The following ZNF559 variants were observed in gnomAD, a reference collection of about 807,000 sequenced individuals.
The protein encoded by ZNF559 is putative protein product of Nbla00121.
ZNF559 carries 17 observed loss-of-function variants against 14.2 expected under a neutral mutation model. The ratio of observed to expected loss-of-function variants is 1.20; its 90% CI spans 0.82 to 1.80. ZNF559 has a LOEUF of 1.80. ZNF559 is among the 40% of genes most tolerant of loss of function. The pLI is 0.00. For synonymous variants in ZNF559, 244 were observed against 212.4 expected (o/e 1.15, Z -1.29); for missense variants, 740 against 629.7 (o/e 1.18, Z -1.88).
chr19:9,337,817 C>T lies in ZNF559; in HGVS notation c.-98C>T. On this transcript the variant is annotated 5_prime_UTR_variant, in exon 3 of 7. Transcript: ENST00000603380. ...GCAGAGAGATGGCTAATGAATGGCG[C>T]TTGATGACAGATGAGTAATGCCTGT... is the stretch of plus-strand genomic sequence containing the variant. The T allele has an allele frequency of 2.1e-6, 3 of 1,462,080 alleles. No homozygotes were observed. Among genetic ancestry groups the T allele is most frequent in the East Asian group, 5.0e-5 (2 of 39,922 alleles). 90.6% of individuals were successfully genotyped at this position (1,462,080 alleles called of 1,614,324 possible).
intron 5 of ZNF559, 146 bp from the exon 6 acceptor site, chr19:9,340,956 A>G: frequency 1.5e-6 from 1 of 675,562 alleles, no homozygotes; most frequent in Non-Finnish European, 2.5e-6. Context: ...CAAATTTCTC[A>G]ATTTATGTTT....
At chr19:9,340,877 AC>A (rs1351259943) in intron 5 of ZNF559, among the ~76,000 whole-genome samples, 2 of 151,754 alleles carry the variant, frequency 1.3e-5, no homozygotes, top group Non-Finnish European at 2.9e-5. Flanking sequence ...AGCCTAGAGA[AC>A]CGTTTCTTAG....
rs757559370 is a variant in ZNF559, at chr19:9,342,621, T to A, written c.1170T>A (p.Phe390Leu). Residue 390 changes from phenylalanine (F) to leucine (L), a missense_variant, in exon 7 of 7, where the codon TTT becomes TTA. Phe to Leu is a conservative substitution (Grantham distance 22). Transcript: ENST00000603380. ...AATGTAAGGAATGTGGAAAAGCCTT[T>A]ATTAATTCCTCTTCCTTTAAAAGTC... ...PYQCKECGKA[F>L]INSSSFKSHM... 1 of 1,614,126 alleles carries A rather than the reference T, an allele frequency of 6.2e-7. No individual in the cohort carries two copies.
chr19:9,342,077 G>A lies in ZNF559; in HGVS notation c.626G>A (p.Gly209Glu). The A allele has an allele frequency of 6.2e-7, 1 of 1,612,074 alleles. No homozygotes were observed. Among genetic ancestry groups the A allele is most frequent in the East Asian group, 2.2e-5 (1 of 44,858 alleles). The change falls in exon 7 of 7, where the codon GGA becomes GAA. Residue 209 changes from glycine to glutamate, a missense_variant. Physicochemically the swap from Gly to Glu is moderately conservative, Grantham distance 98. Transcript: ENST00000603380. ...HLRECVRIYGGERPYTHKEYV... is the reference protein window; with the variant it reads ...HLRECVRIYGEERPYTHKEYV... ...AGAGAATGTGTAAGAATTTATGGTG[G>A]AGAGAGACCATATACTCATAAGGAG... is the stretch of plus-strand genomic sequence containing the variant.
At chr19:9,326,711 C>T (rs1039186484) in intron 2 of ZNF559, among the ~76,000 whole-genome samples, 2 of 152,106 alleles carry the variant, frequency 1.3e-5, no homozygotes, top group African/African-American at 4.8e-5. Flanking sequence ...AAATTAGTGA[C>T]TAATGTAGTC....
Position 9,338,593 on chromosome 19 carries a change from A to G in ZNF559, c.33+11A>G. The G allele has an allele frequency of 6.2e-7, 1 of 1,607,796 alleles. No homozygotes were observed. The highest frequency in any genetic ancestry group is 8.5e-7 in the Non-Finnish European group (1 of 1,174,426). ...ACAAATTACTCTCAGGTAAGTAGGA[A>G]ATTGCTTTTTCTGTAGAAGCATATG... is the stretch of plus-strand genomic sequence containing the variant. On this transcript the variant is annotated intron_variant, in intron 4 of 6. Coordinates refer to ENST00000603380, the MANE Select transcript of ZNF559 (RefSeq NM_032497.3).
rs1333342644 is a variant in ZNF559 at position 9,341,296 on chromosome 19, C to T, written c.243+112C>T. On this transcript the variant is annotated intron_variant, in intron 6 of 6. Transcript: ENST00000603380. ...TGAGACATTTGAGACTAGTGTTTTT[C>T]ACCCAAAAATAATCTGTCTCTTGGA... The T allele has an allele frequency of 1.4e-5, 15 of 1,049,462 alleles. No homozygotes were observed. The Admixed American group carries it at 2.7e-4, about 19-fold the overall frequency. The allele number at this position is 1,049,462 out of a possible 1,614,324, so 65.0% of individuals were successfully genotyped here. A position where few individuals can be genotyped will look rare whatever the true frequency, so the allele number is the denominator to read the frequency against.
chr19:9,324,047 G>T, upstream of ZNF559: 1 of 1,063,580 alleles, frequency 9.4e-7, no homozygotes, highest in Non-Finnish European at 1.4e-6. Flanking sequence ...GCGCTCTTCG[G>T]GGAGGTAAAC....
intron 2 of ZNF559, among the ~76,000 whole-genome samples, chr19:9,327,749 A>G (rs1379102564): frequency 2.2e-5 from 2 of 92,550 alleles, no homozygotes; most frequent in African/African-American, 1.1e-4. Context: ...AACTTATTCT[A>G]ATTTTTTTTT....
intron 6 of ZNF559, 85 bp downstream of exon 6, chr19:9,341,269 C>G: frequency 7.4e-7 from 1 of 1,346,152 alleles, no homozygotes; most frequent in Non-Finnish European, 1.1e-6. Context: ...GCACAATAAC[C>G]TTGAGACATT....
chr19:9,324,047 G>C (rs2066427685), upstream of ZNF559: 1 of 1,063,462 alleles, frequency 9.4e-7, no homozygotes, highest in Non-Finnish European at 1.4e-6. Context: ...GCGCTCTTCG[G>C]GGAGGTAAAC....
intron 2 of ZNF559, among the ~76,000 whole-genome samples, chr19:9,337,238 C>G (rs2067289063): frequency 6.6e-6 from 1 of 152,190 alleles, no homozygotes; most frequent in Non-Finnish European, 1.5e-5. Flanking sequence ...TGCCAGAAGC[C>G]TCAGGCATAC....
chr19:9,332,766 C>T (rs2067008258), intron 2 of ZNF559, among the ~76,000 whole-genome samples: 1 of 152,158 alleles, frequency 6.6e-6, no homozygotes, highest in African/African-American at 2.4e-5. Flanking sequence ...TTTCTCTCAT[C>T]ACTCATCCAA....
intron 1 of ZNF559, chr19:9,324,483 C>A: frequency 7.1e-7 from 1 of 1,401,814 alleles, no homozygotes; most frequent in South Asian, 1.5e-5. Flanking sequence ...TTCCATTTTC[C>A]CTGCTCCCCT....
chr19:9,325,384 G>A (rs2145031460), intron 2 of ZNF559, among the ~76,000 whole-genome samples: 1 of 152,138 alleles, frequency 6.6e-6, no homozygotes, highest in South Asian at 2.1e-4. Flanking sequence ...CGAGGCTGCT[G>A]TGAGCCATTA....
intron 2 of ZNF559, among the ~76,000 whole-genome samples, chr19:9,332,151 T>C (rs10420933): frequency 0.55 from 82,831 of 151,792 alleles, 22,761 homozygotes; most frequent in Middle Eastern, 0.62. Flanking sequence ...CTTGGGCTTA[T>C]TGAACTTCAT....
intron 2 of ZNF559, among the ~76,000 whole-genome samples, chr19:9,325,274 C>A (rs1231507001): frequency 6.6e-6 from 1 of 151,574 alleles, no homozygotes; most frequent in Non-Finnish European, 1.5e-5. Flanking sequence ...GGGCAAGCCT[C>A]TGTCTCTACT....
At chr19:9,336,760 A>T (rs191493073) in intron 2 of ZNF559, among the ~76,000 whole-genome samples, 19 of 152,294 alleles carry the variant, frequency 1.2e-4, no homozygotes, top group Admixed American at 7.8e-4. Context: ...TGCAGAGTGA[A>T]TGAAAGCGTA....
chr19:9,325,837 A>T (rs1168263825), intron 2 of ZNF559, among the ~76,000 whole-genome samples: 1 of 152,168 alleles, frequency 6.6e-6, no homozygotes, highest in Admixed American at 6.5e-5. Context: ...CTAGTTGTTA[A>T]GATTTGTTTC....
Sources: gnomAD v4.1 joint callset for allele counts (sites outside exome capture counted in the v4.1 genomes callset) on GRCh38, gnomAD v4.1.1 for gene constraint, MANE v1.5 for transcripts, NCBI Gene and HGNC (gene_info 2026-07-23, HGNC 2026-07-21) for gene names.